The following BMP2K variants were observed in gnomAD, a reference collection of about 807,000 sequenced individuals.
BMP2K encodes the protein BMP-2-inducible protein kinase.
In BMP2K, 74 loss-of-function variants were observed where a neutral mutation model predicts 116.0. The ratio of observed to expected loss-of-function variants is 0.64; its 90% confidence interval spans 0.53 to 0.77. The LOEUF is 0.77. Among genes scored for constraint, BMP2K ranks in the 30% least tolerant of loss-of-function variants. The pLI, the probability that BMP2K is intolerant of heterozygous loss-of-function variation, is 0.00. For missense variants in BMP2K, 1,365 were observed against 1,403.6 expected, an observed-to-expected ratio of 0.97 and a Z score of 0.44; for synonymous variants, 486 against 502.5, an observed-to-expected ratio of 0.97 and a Z score of 0.44.
chr4:78,873,696 GTGTGTGTGTA>G (rs1414507661), intron 13 of BMP2K, among the ~76,000 whole-genome samples: 1 of 129,350 alleles, frequency 7.7e-6, no homozygotes, highest in African/African-American at 3.3e-5. Context: ...GTGTGTGTGT[GTGTGTGTGTA>G]TGCATGCATG....
intron 1 of BMP2K, among the ~76,000 whole-genome samples, chr4:78,778,886 A>G (rs538792165): frequency 6.6e-6 from 1 of 152,346 alleles, no homozygotes; most frequent in African/African-American, 2.4e-5. Context: ...TGAGTAGGCA[A>G]AGCGGTAGAA....
chr4:78,887,177 G>A lies in BMP2K; in HGVS notation c.1955G>A (p.Arg652Lys). ...TCGTTTCATCTTATTTTTGCAGATAGGCTCGAGGAGAGAGCATCCTCAGAT... is the reference window on the plus strand; with the variant it reads ...TCGTTTCATCTTATTTTTGCAGATAAGCTCGAGGAGAGAGCATCCTCAGAT... The part of the protein sequence containing the change: ...DREFDLLRSN[R>K]LEERASSDKN... The change falls in exon 15 of 16, where the codon AGG becomes AAG. Residue 652 changes from arginine to lysine, a missense_variant. Physicochemically the swap from Arg to Lys is conservative, Grantham distance 26. This residue lies in a region of BMP2K where 596 missense variants were observed against 623.2 expected (regional missense o/e 0.96). Transcript: ENST00000502613. The A allele has an allele frequency of 6.3e-7, 1 of 1,592,018 alleles. No homozygotes were observed. The highest frequency in any genetic ancestry group is 8.6e-7 in the Non-Finnish European group (1 of 1,166,976).
rs549426890 is a variant in BMP2K, at chr4:78,864,233, A to G, written c.1068-1324A>G. Among the ~76,000 whole-genome samples the G allele has an allele frequency of 2.0e-5, 3 of 152,264 alleles. No individual in the cohort carries two copies. In the South Asian group the frequency reaches 6.2e-4, roughly 32 times the overall value. On this transcript the variant is annotated intron_variant, in intron 9 of 15. Coordinates refer to ENST00000502613, the MANE Select transcript of BMP2K (RefSeq NM_198892.2). The stretch of plus-strand genomic sequence containing the variant: ...GTCTGGCCTGTACTAGCCGTTTAAT[A>G]CAGAATGGATAGTTAAAGAGAGAGA...
In BMP2K at chr4:78,915,863, T is replaced by A. The variant is rs530142282; in HGVS notation, c.*3830T>A. 1 of 152,084 alleles carries A rather than the reference T, an allele frequency of 6.6e-6. No individual in the cohort carries two copies. Among genetic ancestry groups the A allele is most frequent in the African/African-American group, 2.4e-5 (1 of 41,562 alleles). The allele number at this position is 152,084 out of a possible 1,614,324, so 9.4% of individuals were successfully genotyped here. A position where few individuals can be genotyped will look rare whatever the true frequency, so the allele number is the denominator to read the frequency against. On this transcript the variant is annotated 3_prime_UTR_variant, in exon 16 of 16. Coordinates refer to ENST00000502613, the MANE Select transcript of BMP2K (RefSeq NM_198892.2). Reference sequence around the variant, plus strand: ...TTTGAAAGAATTGTTTTTATGACTATGCTCTTTTTGTGATTGAAAAGTCAT... The same window carrying A: ...TTTGAAAGAATTGTTTTTATGACTAAGCTCTTTTTGTGATTGAAAAGTCAT...
chr4:78,898,164 G>A (rs928658432), intron 15 of BMP2K, among the ~76,000 whole-genome samples: 1 of 152,204 alleles, frequency 6.6e-6, no homozygotes, highest in Admixed American at 6.5e-5. Context: ...GCAGGTATTT[G>A]AGGATGGCAG....
intron 13 of BMP2K, among the ~76,000 whole-genome samples, chr4:78,878,449 T>C (rs1732737515): frequency 6.6e-6 from 1 of 152,186 alleles, no homozygotes; most frequent in Non-Finnish European, 1.5e-5. Context: ...ATACTATTAC[T>C]CCTTTTTACA....
intron 1 of BMP2K, among the ~76,000 whole-genome samples, chr4:78,810,970 G>C (rs1482498761): frequency 1.3e-5 from 2 of 152,056 alleles, no homozygotes; most frequent in Non-Finnish European, 2.9e-5. Flanking sequence ...CTTCACTTCT[G>C]ATATTTTTAT....
chr4:78,902,796 T>A (rs1351948786), intron 15 of BMP2K, among the ~76,000 whole-genome samples: 1 of 152,112 alleles, frequency 6.6e-6, no homozygotes. Flanking sequence ...ATATGCATAG[T>A]ATGATGCAAA....
intron 10 of BMP2K, among the ~76,000 whole-genome samples, chr4:78,868,195 C>T (rs1031848074): frequency 6.6e-6 from 1 of 152,114 alleles, no homozygotes; most frequent in Admixed American, 6.5e-5. Flanking sequence ...CATTTCCACA[C>T]GGCTGGGGAG....
intron 1 of BMP2K, among the ~76,000 whole-genome samples, chr4:78,822,026 T>C (rs1457441563): frequency 1.3e-5 from 2 of 152,220 alleles, no homozygotes; most frequent in Non-Finnish European, 2.9e-5. Context: ...TATGTTCATA[T>C]ATAGTTATTA....
chr4:78,855,968 T>C (rs1374772993), intron 7 of BMP2K, among the ~76,000 whole-genome samples: 1 of 152,140 alleles, frequency 6.6e-6, no homozygotes, highest in Admixed American at 6.6e-5. Flanking sequence ...CCTTTTTTGT[T>C]TTGTTTTTAA....
In BMP2K at chr4:78,861,441, C is replaced by T. The variant is rs1412112717; in HGVS notation, c.1040C>T (p.Ala347Val). Residue 347 changes from alanine to valine, a missense_variant, in exon 9 of 16, where the codon GCT (alanine) becomes GTT (valine). Coordinates refer to ENST00000502613, the MANE Select transcript of BMP2K (RefSeq NM_198892.2). ...LPEPMTASEA[A>V]ARKSQIKARI... ...GAACCGATGACTGCTAGTGAAGCAG[C>T]TGCTAGGAAAAGCCAAATAAAAGCC... The T allele has an allele frequency of 1.3e-5, 21 of 1,608,654 alleles. No individual in the cohort carries two copies. Among genetic ancestry groups the T allele is most frequent in the Non-Finnish European group, 1.8e-5 (21 of 1,176,600 alleles).
At chr4:78,859,461 C>A in intron 7 of BMP2K, 123 bp from the exon 8 acceptor site, 1 of 569,162 alleles carries the variant, frequency 1.8e-6, no homozygotes, top group Admixed American at 3.7e-5. Context: ...ATAAAGTTTG[C>A]TAGAATCATC....
Position 78,916,136 on chromosome 4 carries a change from G to A in BMP2K, c.*4103G>A, listed in dbSNP as rs1341961785. 1 of 151,816 alleles carries A rather than the reference G, an allele frequency of 6.6e-6. No individual in the cohort carries two copies. The highest frequency in any genetic ancestry group is 1.5e-5 in the Non-Finnish European group (1 of 67,816). 9.4% of individuals were successfully genotyped at this position (151,816 alleles called of 1,614,324 possible). On this transcript the variant is annotated 3_prime_UTR_variant, in exon 16 of 16. Transcript: ENST00000502613. ...ATAGCTGGGAAACAATTATGAGATA[G>A]ACTCAGTCTCCCCCTCCCACCCCTT...
Position 78,910,634 on chromosome 4 carries a change from A to T in BMP2K, c.2087A>T (p.His696Leu), listed in dbSNP as rs758465528. The T allele has an allele frequency of 9.7e-6, 15 of 1,545,784 alleles. 1 individual carries two copies. The South Asian group carries it at 1.6e-4, about 17-fold the overall frequency. ...HSGSPEKKAE[H>L]SSINQENGTA... is the part of the protein sequence containing the mutation. ...GGTTCTCCTGAAAAGAAAGCTGAAC[A>T]TTCATCTATAAATCAAGAAAATGGC... Residue 696 changes from histidine to leucine, a missense_variant, in exon 16 of 16, where the codon CAT (histidine) becomes CTT (leucine). Physicochemically the swap from His to Leu is moderately conservative, Grantham distance 99 (BLOSUM62 -3). Transcript: ENST00000502613.
intron 15 of BMP2K, among the ~76,000 whole-genome samples, chr4:78,893,265 C>T (rs973673522): frequency 3.3e-5 from 5 of 152,194 alleles, no homozygotes; most frequent in African/African-American, 4.8e-5. Flanking sequence ...AGTTTGATTA[C>T]GAGACTGCAA....
intron 15 of BMP2K, among the ~76,000 whole-genome samples, chr4:78,907,653 G>A (rs1409779135): frequency 1.3e-5 from 2 of 152,210 alleles, no homozygotes; most frequent in African/African-American, 4.8e-5. Flanking sequence ...AGATTCTTTT[G>A]TGTAGGACTC....
intron 1 of BMP2K, among the ~76,000 whole-genome samples, chr4:78,806,666 A>G (rs1728835425): frequency 6.6e-6 from 1 of 152,104 alleles, no homozygotes; most frequent in Non-Finnish European, 1.5e-5. Flanking sequence ...AGTGGTGGTG[A>G]GAAAAGACAT....
chr4:78,829,812 C>T lies in BMP2K; in HGVS notation c.297+3657C>T, dbSNP rs1269341160. On this transcript the variant is annotated intron_variant, in intron 2 of 15. Transcript: ENST00000502613. ...TTTCTCTTCTCTTCTCTTCTCTTCT[C>T]TTCTCTTCTCTTCTCTTCTCTTCTC... Among the ~76,000 whole-genome samples, 1,251 of 138,056 alleles carry T rather than the reference C, an allele frequency of 9.1e-3. 15 individuals are homozygous for T. The highest frequency in any genetic ancestry group is 0.037 in the African/African-American group (1,204 of 32,472). The allele number at this position is 138,056 out of a possible 152,430, so 90.6% of individuals were successfully genotyped here. A position where few individuals can be genotyped will look rare whatever the true frequency, so the allele number is the denominator to read the frequency against.
Sources: gnomAD v4.1 joint callset for allele counts (sites outside exome capture counted in the v4.1 genomes callset) on GRCh38, gnomAD v4.1.1 for gene constraint, gnomAD v4.1.1 regional missense constraint, MANE v1.5 for transcripts, NCBI Gene and HGNC (gene_info 2026-07-23, HGNC 2026-07-21) for gene names.